MARCHF10: variants seen among roughly 807,000 people sequenced by gnomAD.
The protein encoded by MARCHF10 is membrane associated ring-CH-type finger 10.
Under a neutral mutation model 76.2 loss-of-function variants are expected in MARCHF10, and 64 were observed. The observed-to-expected ratio is 0.84, with a 90% CI of 0.69 to 1.03. The LOEUF (loss-of-function observed/expected upper bound fraction) is 1.03, where lower values mean the gene tolerates loss of function less well. MARCHF10 is among the 50% of genes least tolerant of loss of function. The pLI, the probability that MARCHF10 is intolerant of heterozygous loss-of-function variation, is 0.00. For missense variants in MARCHF10, 875 were observed against 958.0 expected (o/e 0.91, Z 1.14); for synonymous variants, 340 against 357.5 (o/e 0.95, Z 0.55).
chr17:62,771,574 A>AT (rs1207861655), intron 3 of MARCHF10, among the ~76,000 whole-genome samples: 9,226 of 126,218 alleles, frequency 0.073, 1,174 homozygotes, highest in African/African-American at 0.25. Flanking sequence ...GTCAATATCT[A>AT]TTTTTTTTTT....
chr17:62,745,534 A>G (rs183236178), intron 4 of MARCHF10, among the ~76,000 whole-genome samples: 16 of 152,336 alleles, frequency 1.1e-4, no homozygotes, highest in Middle Eastern at 6.8e-3. Flanking sequence ...TTTGAATCAC[A>G]ACATATTTTG....
At chr17:62,793,411 ACCATCACCT>A (rs2092913745) in intron 2 of MARCHF10, among the ~76,000 whole-genome samples, 1 of 139,314 alleles carries the variant, frequency 7.2e-6, no homozygotes, top group Admixed American at 7.1e-5. Flanking sequence ...CATCACCACC[ACCATCACCT>A]CCATCACTAC....
chr17:62,788,584 G>C lies in MARCHF10; in HGVS notation c.106C>G (p.Gln36Glu). 1 of 1,613,986 alleles carries C rather than the reference G, an allele frequency of 6.2e-7. No individual in the cohort carries two copies. The highest frequency in any genetic ancestry group is 1.6e-4 in the Middle Eastern group (1 of 6,062). Residue 36 changes from glutamine (Q) to glutamate (E), a missense_variant, in exon 3 of 11, where the codon CAG becomes GAG. Gln to Glu is a conservative substitution (Grantham distance 29). Coordinates refer to ENST00000311269, the MANE Select transcript of MARCHF10 (RefSeq NM_152598.4). ...DSEYQACLRR[Q>E]EYRRDPNEKK... The stretch of plus-strand genomic sequence containing the variant: ...TCATTTGGGTCTCTTCTATATTCCT[G>C]TCGTCTCAGACAAGCCTGAAGAACA...
intron 10 of MARCHF10, among the ~76,000 whole-genome samples, chr17:62,702,910 T>C (rs189441919): frequency 1.5e-3 from 233 of 152,322 alleles, no homozygotes; most frequent in Non-Finnish European, 2.7e-3. Context: ...GCCCAGCCTT[T>C]GGCCAAGGGC....
In MARCHF10 at chr17:62,736,569, G is replaced by A. The variant is rs147951735; in HGVS notation, c.1299C>T (p.Thr433=). The A allele has an allele frequency of 9.0e-4, 1,445 of 1,614,140 alleles. 1 individual carries two copies. The highest frequency in any genetic ancestry group is 1.2e-3 in the Non-Finnish European group (1,366 of 1,180,036). The change falls in exon 6 of 11, where the codon ACC becomes ACT. Residue 433 remains threonine, a synonymous_variant. Coordinates refer to ENST00000311269, the MANE Select transcript of MARCHF10 (RefSeq NM_152598.4). ...CTTTCCAGTATCCTTCAGAATCATG[G>A]GTGCCAGGCCTATGTTCCACAGAAA... ...DCISVEHRPG[T]HDSEGYWKDY... is the part of the protein sequence containing the mutation.
At chr17:62,801,779 C>T (rs1278291338) in intron 1 of MARCHF10, 27 bp from the exon 2 acceptor site, 2 of 1,527,062 alleles carry the variant, frequency 1.3e-6, no homozygotes, top group South Asian at 1.1e-5. Context: ...AACAAATGTG[C>T]TGTGTTAGAG....
chr17:62,777,463 C>T (rs1287282987), intron 3 of MARCHF10, among the ~76,000 whole-genome samples: 1 of 152,088 alleles, frequency 6.6e-6, no homozygotes, highest in Admixed American at 6.5e-5. Flanking sequence ...TGGCTCATGC[C>T]TGTAATCCTA....
At chr17:62,786,805 T>C (rs1396602135) in intron 3 of MARCHF10, among the ~76,000 whole-genome samples, 1 of 152,200 alleles carries the variant, frequency 6.6e-6, no homozygotes. Context: ...ATATCCCAAA[T>C]GCATGAGTAT....
chr17:62,705,240 AT>A, intron 10 of MARCHF10: 1 of 1,342,364 alleles, frequency 7.4e-7, no homozygotes, highest in East Asian at 3.2e-5. Context: ...ACGCTGGAGA[AT>A]CCCAGCAAGG....
intron 3 of MARCHF10, among the ~76,000 whole-genome samples, chr17:62,783,720 C>T (rs1030789355): frequency 6.6e-6 from 1 of 152,110 alleles, no homozygotes; most frequent in Non-Finnish European, 1.5e-5. Flanking sequence ...GAAATACAAA[C>T]TACCATCAGA....
intron 6 of MARCHF10, among the ~76,000 whole-genome samples, chr17:62,728,771 T>C (rs2090878745): frequency 6.6e-6 from 1 of 152,204 alleles, no homozygotes; most frequent in African/African-American, 2.4e-5. Context: ...TAAATATTGA[T>C]TGATCCACCA....
chr17:62,807,780 A>G (rs1048676150), intron 1 of MARCHF10, among the ~76,000 whole-genome samples: 2 of 152,044 alleles, frequency 1.3e-5, no homozygotes, highest in East Asian at 1.9e-4. Flanking sequence ...AACAAAATCA[A>G]TATCGACCAT....
chr17:62,788,350 G>T, intron 3 of MARCHF10, 130 bp downstream of exon 3: 1 of 1,261,112 alleles, frequency 7.9e-7, no homozygotes, highest in Non-Finnish European at 1.1e-6. Context: ...GGCTCTCCCT[G>T]CCTTGACCTT....
intron 4 of MARCHF10, chr17:62,747,054 G>A (rs1362728072): frequency 9.3e-7 from 1 of 1,070,580 alleles, no homozygotes; most frequent in Non-Finnish European, 1.4e-6. Flanking sequence ...ATTGCTTAAT[G>A]AGTATGTCTT....
In MARCHF10 at chr17:62,744,424, T is replaced by TG; in HGVS notation, c.486dup (p.Arg163GlnfsTer28). On this transcript the variant is annotated frameshift_variant, in exon 5 of 11. Coordinates refer to ENST00000311269, the MANE Select transcript of MARCHF10 (RefSeq NM_152598.4). LOFTEE classifies it high-confidence loss of function. ...TTTGCAGGCCACTGCTGTTTCTGTC[T>TG]GCTTCTGTCCCCAGATGCTCTCGGG... The TG allele has an allele frequency of 6.2e-7, 1 of 1,614,230 alleles. No homozygotes were observed. The highest frequency in any genetic ancestry group is 8.5e-7 in the Non-Finnish European group (1 of 1,180,044).
At chr17:62,796,256 T>G (rs961169032) in intron 2 of MARCHF10, among the ~76,000 whole-genome samples, 2 of 152,132 alleles carry the variant, frequency 1.3e-5, no homozygotes, top group African/African-American at 4.8e-5. Context: ...CCTCCCCAAG[T>G]GCTGGGATTA....
intron 4 of MARCHF10, among the ~76,000 whole-genome samples, chr17:62,753,484 C>T (rs1222483924): frequency 6.6e-6 from 1 of 152,224 alleles, no homozygotes; most frequent in East Asian, 1.9e-4. Context: ...CTGAGCCAGT[C>T]AGTCTGGACT....
At chr17:62,722,406 A>G in intron 8 of MARCHF10, 82 bp downstream of exon 8, 1 of 935,500 alleles carries the variant, frequency 1.1e-6, no homozygotes, top group Non-Finnish European at 1.7e-6. Context: ...TACATTTCTT[A>G]GATCAGGGAA....
intron 7 of MARCHF10, among the ~76,000 whole-genome samples, chr17:62,723,907 C>T (rs1057255849): frequency 3.9e-5 from 6 of 152,070 alleles, no homozygotes; most frequent in Admixed American, 2.0e-4. Flanking sequence ...TTGCATAAAA[C>T]GGGCTCCATG....
Sources: allele counts gnomAD v4.1 joint callset (sites outside exome capture counted in the v4.1 genomes callset), GRCh38; gene constraint gnomAD v4.1.1; transcripts MANE v1.5; gene names NCBI Gene and HGNC (gene_info 2026-07-23, HGNC 2026-07-21).